Variants in SIPA1L2 observed in about 807,000 individuals in gnomAD.
SIPA1L2 encodes signal-induced proliferation-associated 1-like protein 2.
SIPA1L2 carries 56 observed loss-of-function variants against 163.9 expected under a neutral mutation model. The ratio of observed to expected loss-of-function variants is 0.34; its 90% CI spans 0.28 to 0.43. The LOEUF (loss-of-function observed/expected upper bound fraction) is 0.43, where lower values mean the gene tolerates loss of function less well. Ranked by LOEUF, SIPA1L2 falls within the 20% of genes least tolerant of loss-of-function variation. SIPA1L2 has a pLI of 1.00. For synonymous variants in SIPA1L2, 877 were observed against 865.7 expected (o/e 1.01, Z -0.23); for missense variants, 1,974 against 2,193.5 (o/e 0.90, Z 2.00).
intron 2 of SIPA1L2, among the ~76,000 whole-genome samples, chr1:232,541,854 TAAAAAAAAAA>T (rs10585668): frequency 4.4e-5 from 6 of 135,678 alleles, no homozygotes; most frequent in East Asian, 4.2e-4. Flanking sequence ...CCTACAGATT[TAAAAAAAAAA>T]AAAAAAAAAA....
At chr1:232,614,177 G>C (rs779012336) in intron 1 of SIPA1L2, among the ~76,000 whole-genome samples, 1 of 151,788 alleles carries the variant, frequency 6.6e-6, no homozygotes, top group South Asian at 2.1e-4. Context: ...CAGATACTTC[G>C]TGTAACAGCG....
intron 18 of SIPA1L2, among the ~76,000 whole-genome samples, chr1:232,420,119 C>T (rs748453925): frequency 5.0e-4 from 76 of 151,794 alleles, no homozygotes; most frequent in Admixed American, 1.2e-3. Flanking sequence ...GTCAGGAGTT[C>T]GAGACCAACC....
At chr1:232,556,741 G>A (rs1658731486) in intron 2 of SIPA1L2, among the ~76,000 whole-genome samples, 1 of 151,684 alleles carries the variant, frequency 6.6e-6, no homozygotes, top group African/African-American at 2.4e-5. Context: ...AAAAAAAATG[G>A]AAGAGCTCCA....
chr1:232,578,421 A>C (rs1362145649), intron 1 of SIPA1L2, among the ~76,000 whole-genome samples: 1 of 147,570 alleles, frequency 6.8e-6, no homozygotes, highest in Non-Finnish European at 1.5e-5. Context: ...TGTTTCTTAC[A>C]AAAAAAAAAG....
intron 7 of SIPA1L2, among the ~76,000 whole-genome samples, chr1:232,479,074 A>AT (rs1328320264): frequency 6.6e-6 from 1 of 152,246 alleles, no homozygotes; most frequent in African/African-American, 2.4e-5. Flanking sequence ...AAAGTAAATT[A>AT]TTTTACAATG....
intron 2 of SIPA1L2, among the ~76,000 whole-genome samples, chr1:232,525,671 T>C (rs1667672441): frequency 6.6e-6 from 1 of 152,176 alleles, no homozygotes; most frequent in Non-Finnish European, 1.5e-5. Context: ...TTAAGAGCTT[T>C]GCATCACATC....
chr1:232,574,090 T>C (rs191861357), intron 2 of SIPA1L2, among the ~76,000 whole-genome samples, 84 bp downstream of exon 2: 8 of 152,060 alleles, frequency 5.3e-5, no homozygotes, highest in Admixed American at 5.2e-4. Context: ...AACAATCTTT[T>C]AAAAAAAATT....
intron 2 of SIPA1L2, among the ~76,000 whole-genome samples, chr1:232,522,500 CTT>C (rs5781702): frequency 1.0e-4 from 15 of 144,072 alleles, no homozygotes; most frequent in African/African-American, 1.3e-4. Context: ...AGCATTGTGC[CTT>C]TTTTTTTTTT....
chr1:232,529,635 C>T (rs1226464844), intron 2 of SIPA1L2, among the ~76,000 whole-genome samples: 1 of 152,204 alleles, frequency 6.6e-6, no homozygotes, highest in East Asian at 1.9e-4. Context: ...CAGAGTTGTG[C>T]ACCTTCTCAT....
intron 15 of SIPA1L2, among the ~76,000 whole-genome samples, chr1:232,437,069 T>G (rs1662607998): frequency 6.6e-6 from 1 of 152,210 alleles, no homozygotes; most frequent in African/African-American, 2.4e-5. Context: ...GTCTAGCCCA[T>G]TAAATTTGCC....
intron 19 of SIPA1L2, among the ~76,000 whole-genome samples, chr1:232,410,111 TA>T (rs1660864710): frequency 6.6e-6 from 1 of 152,156 alleles, no homozygotes; most frequent in African/African-American, 2.4e-5. Flanking sequence ...GATTCCAGTA[TA>T]AAAATTAAAG....
Position 232,514,489 on chromosome 1 carries a change from G to A in SIPA1L2, c.851C>T (p.Ser284Leu), listed in dbSNP as rs750138384. ...RDKPFKRRLK[S>L]ESVETSLFRK... ...GAAGAGAGATGTTTCCACCGACTCTGATTTCAACCTCCGTTTGAAAGGCTT... is the reference window on the plus strand; with the variant it reads ...GAAGAGAGATGTTTCCACCGACTCTAATTTCAACCTCCGTTTGAAAGGCTT... Residue 284 changes from serine (S) to leucine (L), a missense_variant, in exon 3 of 23, where the codon TCA (serine) becomes TTA (leucine). Around this residue, in one of 3 missense-constraint regions of SIPA1L2, gnomAD observed 607 missense variants for 624.0 expected, o/e 0.97. Coordinates refer to ENST00000674635, the MANE Select transcript of SIPA1L2 (RefSeq NM_020808.5). 2 of 1,614,162 alleles carry A rather than the reference G, an allele frequency of 1.2e-6. No individual in the cohort carries two copies. The highest frequency in any genetic ancestry group is 1.7e-6 in the Non-Finnish European group (2 of 1,180,020).
chr1:232,450,484 T>G (rs556915654), intron 10 of SIPA1L2, among the ~76,000 whole-genome samples: 24 of 152,258 alleles, frequency 1.6e-4, no homozygotes, highest in Non-Finnish European at 2.8e-4. Flanking sequence ...ATCGATGCTC[T>G]AAGCGTCACT....
chr1:232,446,734 T>G (rs1414497044), intron 10 of SIPA1L2, among the ~76,000 whole-genome samples: 2 of 152,224 alleles, frequency 1.3e-5, no homozygotes, highest in African/African-American at 4.8e-5. Flanking sequence ...TGTATGAGAT[T>G]TATCTTCCTG....
chr1:232,573,054 T>C (rs1659888416), intron 2 of SIPA1L2, among the ~76,000 whole-genome samples: 1 of 151,980 alleles, frequency 6.6e-6, no homozygotes, highest in South Asian at 2.1e-4. Context: ...ATGCTGGGAT[T>C]ACAGGTTTGA....
chr1:232,609,596 C>T (rs984503801), intron 1 of SIPA1L2, among the ~76,000 whole-genome samples: 25 of 151,956 alleles, frequency 1.6e-4, no homozygotes, highest in Non-Finnish European at 4.4e-5. Flanking sequence ...TTTGGGAGGC[C>T]GAGCTGGGCA....
intron 10 of SIPA1L2, among the ~76,000 whole-genome samples, chr1:232,460,086 G>A (rs1485459007): frequency 6.6e-6 from 1 of 152,180 alleles, no homozygotes; most frequent in African/African-American, 2.4e-5. Flanking sequence ...AATGAAGATA[G>A]AGGGAAGGTG....
intron 7 of SIPA1L2, among the ~76,000 whole-genome samples, chr1:232,473,636 G>A (rs887339315): frequency 6.6e-6 from 1 of 152,214 alleles, no homozygotes; most frequent in African/African-American, 2.4e-5. Context: ...ACAAGTTAAA[G>A]TCTGGTTACC....
At chr1:232,525,165 G>A (rs1381434820) in intron 2 of SIPA1L2, among the ~76,000 whole-genome samples, 2 of 149,920 alleles carry the variant, frequency 1.3e-5, no homozygotes, top group Admixed American at 1.3e-4. Context: ...TTTTTTTTAT[G>A]GCAGGTATTT....
Sources: gnomAD v4.1 joint callset for allele counts (sites outside exome capture counted in the v4.1 genomes callset) on GRCh38, gnomAD v4.1.1 for gene constraint, gnomAD v4.1.1 regional missense constraint, MANE v1.5 for transcripts, NCBI Gene and HGNC (gene_info 2026-07-23, HGNC 2026-07-21) for gene names.